The following ODAD2 variants were observed in gnomAD, a reference collection of about 807,000 sequenced individuals.
ODAD2 encodes outer dynein arm-docking complex subunit 2.
A neutral mutation model predicts 106.8 loss-of-function variants in ODAD2; 89 were observed. The ratio of observed to expected loss-of-function variants is 0.83; its 90% CI spans 0.70 to 0.99. ODAD2 has a LOEUF of 0.99. ODAD2 is among the 50% of genes least tolerant of loss of function. ODAD2 has a pLI of 0.00. For missense variants in ODAD2, 1,168 were observed against 1,238.5 expected, an observed-to-expected ratio of 0.94 and a Z score of 0.85; for synonymous variants, 404 against 436.2, an observed-to-expected ratio of 0.93 and a Z score of 0.92.
intron 17 of ODAD2, among the ~76,000 whole-genome samples, chr10:27,880,557 G>A (rs902047324): frequency 1.3e-5 from 2 of 152,134 alleles, no homozygotes; most frequent in African/African-American, 4.8e-5. Context: ...ATATTAAGAT[G>A]TGGGACCTTT....
At chr10:27,814,653 T>A (rs557648669) in intron 19 of ODAD2, among the ~76,000 whole-genome samples, 76 of 152,340 alleles carry the variant, frequency 5.0e-4, no homozygotes, top group African/African-American at 1.8e-3. Context: ...TGATCTCTTG[T>A]CCATGGGCTC....
chr10:27,954,981 G>A (rs1440392071), intron 10 of ODAD2, among the ~76,000 whole-genome samples: 1 of 152,080 alleles, frequency 6.6e-6, no homozygotes, highest in Admixed American at 6.5e-5. Context: ...AATATGTTAT[G>A]ATTTCAAACA....
At chr10:27,869,642 C>T (rs1840713174) in intron 17 of ODAD2, among the ~76,000 whole-genome samples, 1 of 151,054 alleles carries the variant, frequency 6.6e-6, no homozygotes, top group African/African-American at 2.4e-5. Context: ...TCAAATGATT[C>T]TCCTGGCTTA....
At chr10:27,944,182 G>T (rs767110877) in intron 12 of ODAD2, 40 bp downstream of exon 12, 2 of 1,543,326 alleles carry the variant, frequency 1.3e-6, no homozygotes, top group South Asian at 1.2e-5. Flanking sequence ...TGCAGTGGCG[G>T]CTGGCACTAG....
chr10:27,983,951 G>C lies in ODAD2; in HGVS notation c.711C>G (p.Ala237=). 1 of 1,608,416 alleles carries C rather than the reference G, an allele frequency of 6.2e-7. No individual in the cohort carries two copies. The highest frequency in any genetic ancestry group is 8.5e-7 in the Non-Finnish European group (1 of 1,178,862). The change falls in exon 6 of 20, where the codon GCC becomes GCG. Residue 237 remains alanine, a synonymous_variant. Coordinates refer to ENST00000305242, the MANE Select transcript of ODAD2 (RefSeq NM_018076.5). ...SDYEFSNGCR[A]PPWRQIRGEI... ...CCCCACGAATTTGTCTCCACGGTGGGGCTCGACATCCATTTGAAAATTCAT... is the reference window on the plus strand; with the variant it reads ...CCCCACGAATTTGTCTCCACGGTGGCGCTCGACATCCATTTGAAAATTCAT...
chr10:27,895,015 G>A (rs1482285939), intron 17 of ODAD2, among the ~76,000 whole-genome samples: 2 of 143,298 alleles, frequency 1.4e-5, no homozygotes, highest in South Asian at 4.5e-4. Context: ...GAGAGAATTA[G>A]AGAGAGACTC....
chr10:27,878,447 A>G (rs1227547952), intron 17 of ODAD2, among the ~76,000 whole-genome samples: 1 of 152,166 alleles, frequency 6.6e-6, no homozygotes, highest in Non-Finnish European at 1.5e-5. Flanking sequence ...CCTCCAGCGA[A>G]AAGCACTGGC....
chr10:27,973,873 T>C (rs1849019810), intron 7 of ODAD2, among the ~76,000 whole-genome samples: 2 of 152,206 alleles, frequency 1.3e-5, no homozygotes, highest in African/African-American at 4.8e-5. Context: ...TTTTCCACAA[T>C]GATTGAACTA....
intron 2 of ODAD2, among the ~76,000 whole-genome samples, chr10:27,993,974 A>ATATATATATATATG (rs369833558): frequency 7.1e-5 from 10 of 140,616 alleles, no homozygotes; most frequent in African/African-American, 2.7e-4. Context: ...ATATATATAT[A>ATATATATATATATG]TGTGTGTGTG....
At chr10:27,885,792 T>TTATATATAA (rs1564466700) in intron 17 of ODAD2, among the ~76,000 whole-genome samples, 2 of 56,182 alleles carry the variant, frequency 3.6e-5, no homozygotes, top group East Asian at 4.4e-4. Flanking sequence ...ATATTATATA[T>TTATATATAA]AATATATATA....
intron 17 of ODAD2, among the ~76,000 whole-genome samples, chr10:27,874,774 G>A (rs1442937212): frequency 6.6e-6 from 1 of 152,096 alleles, no homozygotes; most frequent in African/African-American, 2.4e-5. Flanking sequence ...CTTTCTCTCT[G>A]GCTGCCCTTA....
chr10:27,992,307 T>C (rs556804484), intron 2 of ODAD2, among the ~76,000 whole-genome samples: 1 of 152,262 alleles, frequency 6.6e-6, no homozygotes, highest in South Asian at 2.1e-4. Flanking sequence ...AAAAGTTGTA[T>C]AGTAAATATG....
chr10:27,841,899 T>C (rs1405176984), intron 19 of ODAD2, among the ~76,000 whole-genome samples: 3 of 152,114 alleles, frequency 2.0e-5, no homozygotes, highest in Non-Finnish European at 4.4e-5. Context: ...GGACTACAGG[T>C]ATGCACCACC....
chr10:27,832,992 A>G (rs544212470), intron 19 of ODAD2, among the ~76,000 whole-genome samples: 3 of 152,218 alleles, frequency 2.0e-5, no homozygotes, highest in Non-Finnish European at 2.9e-5. Flanking sequence ...GGCTTTTCCA[A>G]CTTGGCAGGG....
intron 19 of ODAD2, among the ~76,000 whole-genome samples, chr10:27,854,022 A>G (rs1218795454): frequency 6.6e-6 from 1 of 152,198 alleles, no homozygotes; most frequent in Non-Finnish European, 1.5e-5. Flanking sequence ...ATGTATACAG[A>G]ACTCTCAAAA....
At position 27,940,557 on chromosome 10, in the gene ODAD2, G is replaced by A. The variant is rs1335372253; in HGVS notation, c.1986+6C>T. 6.2e-7 allele frequency: 1 copy of A among 1,613,448 alleles called. No homozygotes were observed. Reference sequence around the variant, plus strand: ...AAGGCAAGGGAAGCAGAACTGGCATGAGTACCTCTGATGCACACTCTTGCA... The same window carrying A: ...AAGGCAAGGGAAGCAGAACTGGCATAAGTACCTCTGATGCACACTCTTGCA... On this transcript the variant is annotated splice_donor_region_variant and intron_variant, in intron 13 of 19. Transcript: ENST00000305242.
In ODAD2 at chr10:27,928,251, C is replaced by T. The variant is rs140546485; in HGVS notation, c.2495+6759G>A. On this transcript the variant is annotated intron_variant, in intron 16 of 19. Transcript: ENST00000305242. Reference sequence around the variant, plus strand: ...CATATAGTTACCCAAGCCAGCAAACCGAACATCATCTACGACTCCTCCCTA... The same window carrying T: ...CATATAGTTACCCAAGCCAGCAAACTGAACATCATCTACGACTCCTCCCTA... 2.9e-4 allele frequency among the ~76,000 whole-genome samples: 44 copies of T among 152,172 alleles called. 1 individual carries two copies. In the East Asian group the frequency reaches 4.4e-3, roughly 15 times the overall value.
chr10:27,922,066 C>T lies in ODAD2; in HGVS notation c.2495+12944G>A, dbSNP rs191443155. On this transcript the variant is annotated intron_variant, in intron 16 of 19. Transcript: ENST00000305242. Reference sequence around the variant, plus strand: ...CCTGTAGTCCCAGGCACTTGGTAGGCTGAGGTGGAAGGATATCTTGAGCCC... The same window carrying T: ...CCTGTAGTCCCAGGCACTTGGTAGGTTGAGGTGGAAGGATATCTTGAGCCC... Among the ~76,000 whole-genome samples the T allele has an allele frequency of 3.8e-3, 568 of 147,628 alleles. 2 individuals carry two copies. Among genetic ancestry groups the T allele is most frequent in the African/African-American group, 0.014 (552 of 40,098 alleles).
At chr10:27,975,590 C>T (rs1849138515) in intron 7 of ODAD2, among the ~76,000 whole-genome samples, 1 of 152,122 alleles carries the variant, frequency 6.6e-6, no homozygotes, top group Non-Finnish European at 1.5e-5. Flanking sequence ...CAGGAAGAAA[C>T]AGACAACCTG....
Sources: gnomAD v4.1 joint callset for allele counts (sites outside exome capture counted in the v4.1 genomes callset) on GRCh38, gnomAD v4.1.1 for gene constraint, MANE v1.5 for transcripts, NCBI Gene and HGNC (gene_info 2026-07-23, HGNC 2026-07-21) for gene names.